Variants in VCPIP1 observed in about 807,000 individuals in gnomAD.
VCPIP1 encodes the protein valosin containing protein interacting protein 1.
A neutral mutation model predicts 85.0 loss-of-function variants in VCPIP1; 8 were observed. That is an observed-to-expected ratio of 0.09 (90% CI 0.06 to 0.17). VCPIP1 has a LOEUF of 0.17. Ranked by LOEUF, VCPIP1 falls within the 10% of genes least tolerant of loss-of-function variation. The pLI, the probability that VCPIP1 is intolerant of heterozygous loss-of-function variation, is 1.00. For missense variants in VCPIP1, 1,070 were observed against 1,486.3 expected, an observed-to-expected ratio of 0.72 and a Z score of 4.61; for synonymous variants, 543 against 544.5, an observed-to-expected ratio of 1.00 and a Z score of 0.04.
intron 2 of VCPIP1, among the ~76,000 whole-genome samples, chr8:66,635,804 T>C (rs1410870556): frequency 6.6e-6 from 1 of 150,694 alleles, no homozygotes; most frequent in African/African-American, 2.5e-5. Context: ...TCCCAGCTAC[T>C]TGGGAGGCTG....
intron 1 of VCPIP1, 49 bp from the exon 2 acceptor site, chr8:66,651,593 A>G: frequency 6.7e-7 from 1 of 1,500,732 alleles, no homozygotes; most frequent in South Asian, 1.2e-5. Context: ...AAAGAGTTCC[A>G]TCCAGGGCTG....
chr8:66,639,935 C>T (rs1810931264), intron 2 of VCPIP1, among the ~76,000 whole-genome samples: 2 of 151,990 alleles, frequency 1.3e-5, no homozygotes, highest in Non-Finnish European at 2.9e-5. Flanking sequence ...GAACAACACA[C>T]ACTTGGGCCT....
chr8:66,650,860 CAAAAAAAAAAA>C (rs770736039), intron 2 of VCPIP1, among the ~76,000 whole-genome samples: 12 of 13,928 alleles, frequency 8.6e-4, no homozygotes, highest in South Asian at 6.3e-3. Context: ...GACTTCGTCT[CAAAAAAAAAAA>C]AAAAAAAAAA....
intron 2 of VCPIP1, among the ~76,000 whole-genome samples, chr8:66,645,142 C>T (rs542533101): frequency 1.3e-5 from 2 of 150,892 alleles, no homozygotes; most frequent in East Asian, 2.0e-4. Context: ...AAAAAGAGGC[C>T]GGGCATGGTG....
At chr8:66,663,738 G>T (rs1811179261) in intron 1 of VCPIP1, among the ~76,000 whole-genome samples, 1 of 152,114 alleles carries the variant, frequency 6.6e-6, no homozygotes, top group Non-Finnish European at 1.5e-5. Flanking sequence ...AAATCCTAGT[G>T]TATGAGAAAG....
chr8:66,641,945 G>A (rs1810952240), intron 2 of VCPIP1, among the ~76,000 whole-genome samples: 1 of 152,116 alleles, frequency 6.6e-6, no homozygotes, highest in African/African-American at 2.4e-5. Flanking sequence ...TTTATCTTGT[G>A]TATACACCTA....
Position 66,632,079 on chromosome 8 carries a change from A to C in VCPIP1, c.*2422T>G, listed in dbSNP as rs979431285. 2 of 152,054 alleles carry C rather than the reference A, an allele frequency of 1.3e-5. No individual in the cohort carries two copies. Among genetic ancestry groups the C allele is most frequent in the Admixed American group, 1.3e-4 (2 of 15,270 alleles). The allele number at this position is 152,054 out of a possible 1,614,324, so 9.4% of individuals were successfully genotyped here. A position where few individuals can be genotyped will look rare whatever the true frequency, so the allele number is the denominator to read the frequency against. The stretch of plus-strand genomic sequence containing the variant: ...TACCTCTAGGGCTAAAAAAAAAAAA[A>C]AAAACAAATTTACCTGAGATGTCTA... On this transcript the variant is annotated 3_prime_UTR_variant, in exon 3 of 3. Transcript: ENST00000310421.
At chr8:66,637,732 G>A (rs1563566373) in intron 2 of VCPIP1, among the ~76,000 whole-genome samples, 1 of 152,096 alleles carries the variant, frequency 6.6e-6, no homozygotes. Context: ...CACTTTGGGA[G>A]GCTGAGGCGG....
intron 1 of VCPIP1, among the ~76,000 whole-genome samples, chr8:66,663,065 A>G (rs1811172781): frequency 6.8e-6 from 1 of 148,134 alleles, no homozygotes; most frequent in African/African-American, 2.5e-5. Flanking sequence ...AGATGGCGCC[A>G]CTGCACTCCA....
intron 2 of VCPIP1, among the ~76,000 whole-genome samples, chr8:66,642,667 C>CAA (rs1214321508): frequency 4.8e-4 from 73 of 152,136 alleles, no homozygotes; most frequent in African/African-American, 1.8e-3. Flanking sequence ...TGTCTGAGGA[C>CAA]CACTTGTTGA....
In VCPIP1 at chr8:66,666,661, G is replaced by A; in HGVS notation, c.298C>T (p.Arg100Trp). 6.2e-7 allele frequency: 1 copy of A among 1,614,142 alleles called. No individual in the cohort carries two copies. The highest frequency in any genetic ancestry group is 8.5e-7 in the Non-Finnish European group (1 of 1,180,024). Residue 100 changes from arginine to tryptophan, a missense_variant, in exon 1 of 3, where the codon CGG (arginine) becomes TGG (tryptophan). Around this residue, in one of 8 missense-constraint regions of VCPIP1, gnomAD observed 164 missense variants for 158.6 expected, o/e 1.03. Transcript: ENST00000310421. The surrounding 1 kb of genome is among the most constrained non-coding windows in gnomAD (Gnocchi z 6.3). Reference sequence around the variant, plus strand: ...CCCGTAACCCCGAGCAGCGCGTTCCGCAGCAGGTTGTGTAGCACTACGTCC... The same window carrying A: ...CCCGTAACCCCGAGCAGCGCGTTCCACAGCAGGTTGTGTAGCACTACGTCC... The part of the protein sequence containing the change: ...DPDVVLHNLL[R>W]NALLGVTGAP...
In VCPIP1 at chr8:66,664,844, C is replaced by T; in HGVS notation, c.2115G>A (p.Glu705=). The T allele has an allele frequency of 6.2e-7, 1 of 1,613,922 alleles. No homozygotes were observed. The highest frequency in any genetic ancestry group is 1.1e-5 in the South Asian group (1 of 91,054). The stretch of plus-strand genomic sequence containing the variant: ...TTTCAGTTTTACTCATGTTTAACTC[C>T]TCCTTGTGCAAAGTTTTTGTTTTCT... ...TGQKTKTLHK[E]ELNMSKTERT... The change falls in exon 1 of 3, where the codon GAG becomes GAA. Residue 705 remains glutamate (E), a synonymous_variant. Coordinates refer to ENST00000310421, the MANE Select transcript of VCPIP1 (RefSeq NM_025054.5).
chr8:66,666,015 G>C lies in VCPIP1; in HGVS notation c.944C>G (p.Ser315Cys). Residue 315 changes from serine to cysteine, a missense_variant, in exon 1 of 3, where the codon TCT becomes TGT. Physicochemically the swap from Ser to Cys is moderately radical, Grantham distance 112. This residue lies in a region of VCPIP1 where 118 missense variants were observed against 337.1 expected (regional missense o/e 0.35). Coordinates refer to ENST00000310421, the MANE Select transcript of VCPIP1 (RefSeq NM_025054.5). The surrounding 1 kb of genome is among the most constrained non-coding windows in gnomAD (Gnocchi z 6.3). ...LLDSLSGMRS[S>C]GDYSATFLPG... ...TAGAAAGGTGGCTGAATAATCACCAGAGCTTCTCATGCCACTGAGGGAATC... is the reference window on the plus strand; with the variant it reads ...TAGAAAGGTGGCTGAATAATCACCACAGCTTCTCATGCCACTGAGGGAATC... 4.3e-6 allele frequency: 7 copies of C among 1,614,176 alleles called. No individual in the cohort carries two copies. The highest frequency in any genetic ancestry group is 5.9e-6 in the Non-Finnish European group (7 of 1,180,036).
At chr8:66,663,863 A>G (rs1811180299) in intron 1 of VCPIP1, among the ~76,000 whole-genome samples, 1 of 152,202 alleles carries the variant, frequency 6.6e-6, no homozygotes, top group Non-Finnish European at 1.5e-5. Context: ...AAGTGCTGAA[A>G]TCACATGACA....
chr8:66,643,052 G>A (rs193175773), intron 2 of VCPIP1, among the ~76,000 whole-genome samples: 391 of 152,334 alleles, frequency 2.6e-3, no homozygotes, highest in African/African-American at 8.9e-3. Context: ...GCCAGGCATG[G>A]TGGCTCACAC....
chr8:66,632,783 T>C lies in VCPIP1; in HGVS notation c.*1718A>G, dbSNP rs1360478256. On this transcript the variant is annotated 3_prime_UTR_variant, in exon 3 of 3. Transcript: ENST00000310421. Reference sequence around the variant, plus strand: ...ATACACAGAAGCCACCTTTACTAAGTAGTAAATAGTATTTGGTAGCTACAG... The same window carrying C: ...ATACACAGAAGCCACCTTTACTAAGCAGTAAATAGTATTTGGTAGCTACAG... 3 of 152,220 alleles carry C rather than the reference T, an allele frequency of 2.0e-5. No homozygotes were observed. Among genetic ancestry groups the C allele is most frequent in the East Asian group, 1.9e-4 (1 of 5,188 alleles). The allele number at this position is 152,220 out of a possible 1,614,324, so 9.4% of individuals were successfully genotyped here. A position where few individuals can be genotyped will look rare whatever the true frequency, so the allele number is the denominator to read the frequency against.
chr8:66,641,650 C>T (rs1329547589), intron 2 of VCPIP1, among the ~76,000 whole-genome samples: 1 of 152,224 alleles, frequency 6.6e-6, no homozygotes, highest in African/African-American at 2.4e-5. Flanking sequence ...CACAGATTCA[C>T]TCTCTGTTTC....
rs1811202640 is a variant in VCPIP1, at chr8:66,665,784, T to G, written c.1175A>C (p.Glu392Ala). 6.2e-7 allele frequency: 1 copy of G among 1,614,184 alleles called. No homozygotes were observed. Among genetic ancestry groups the G allele is most frequent in the Admixed American group, 1.7e-5 (1 of 60,020 alleles). The change falls in exon 1 of 3, where the codon GAA (glutamate) becomes GCA (alanine). Residue 392 changes from glutamate to alanine, a missense_variant. By Grantham distance (107) the Glu-to-Ala change is moderately radical. Coordinates refer to ENST00000310421, the MANE Select transcript of VCPIP1 (RefSeq NM_025054.5). This position sits in a 1 kb window ranked among gnomAD's most constrained non-coding sequence, Gnocchi z 4.3. ...TCCAATAACACAACCACCATCCTCT[T>G]CAAGTTTTATGTACTTTTTAATAAG... ...QDLIKKYIKL[E>A]EDGGCVIGGD...
At chr8:66,642,113 T>C (rs1810953737) in intron 2 of VCPIP1, among the ~76,000 whole-genome samples, 2 of 152,244 alleles carry the variant, frequency 1.3e-5, no homozygotes, top group South Asian at 2.1e-4. Context: ...TATGTGACTT[T>C]TGGACCACAG....
Sources: gnomAD v4.1 joint callset for allele counts (sites outside exome capture counted in the v4.1 genomes callset) on GRCh38, gnomAD v4.1.1 for gene constraint, gnomAD v4.1.1 regional missense constraint, Gnocchi (gnomAD v3.1) non-coding constraint, MANE v1.5 for transcripts, NCBI Gene and HGNC (gene_info 2026-07-23, HGNC 2026-07-21) for gene names.